NEGR1: variants seen among roughly 807,000 people sequenced by gnomAD.
NEGR1 encodes IgLON family member 4.
NEGR1 carries 10 observed loss-of-function variants against 40.9 expected under a neutral mutation model. The observed-to-expected ratio is 0.24, with a 90% CI of 0.15 to 0.42. The LOEUF (loss-of-function observed/expected upper bound fraction) is 0.42. Ranked by LOEUF, NEGR1 falls within the 10% of genes least tolerant of loss-of-function variation. The pLI is 1.00. For synonymous variants in NEGR1, 185 were observed against 166.8 expected (o/e 1.11, Z -0.84); for missense variants, 352 against 438.9 (o/e 0.80, Z 1.77).
At chr1:71,652,479 A>G (rs1651748811) in intron 4 of NEGR1, among the ~76,000 whole-genome samples, 3 of 152,182 alleles carry the variant, frequency 2.0e-5, no homozygotes, top group African/African-American at 7.2e-5. Context: ...TTTTTTATAG[A>G]CATATATGGC....
chr1:71,777,744 C>G (rs1322953681), intron 2 of NEGR1, among the ~76,000 whole-genome samples: 1 of 151,994 alleles, frequency 6.6e-6, no homozygotes, highest in African/African-American at 2.4e-5. Flanking sequence ...AACCAAAACT[C>G]AGCCTCAAGA....
At chr1:72,050,796 C>G (rs979716231) in intron 1 of NEGR1, among the ~76,000 whole-genome samples, 14 of 151,486 alleles carry the variant, frequency 9.2e-5, no homozygotes, top group African/African-American at 3.1e-4. Flanking sequence ...ATTGAGGCTC[C>G]TATCTTGCTC....
intron 1 of NEGR1, among the ~76,000 whole-genome samples, chr1:71,942,903 G>A (rs546993863): frequency 6.7e-6 from 1 of 149,424 alleles, no homozygotes; most frequent in African/African-American, 2.5e-5. Context: ...CTGGACTCAA[G>A]CAATCCTCCT....
intron 4 of NEGR1, among the ~76,000 whole-genome samples, chr1:71,696,737 T>C (rs1653486354): frequency 6.6e-6 from 1 of 151,864 alleles, no homozygotes; most frequent in Admixed American, 6.6e-5. Context: ...TGGGAACCTC[T>C]TAAAATTCAG....
intron 2 of NEGR1, among the ~76,000 whole-genome samples, chr1:71,902,811 A>G (rs1661175949): frequency 6.6e-6 from 1 of 152,178 alleles, no homozygotes; most frequent in Admixed American, 6.5e-5. Flanking sequence ...TGGAAAATAA[A>G]TACAATATGG....
intron 6 of NEGR1, among the ~76,000 whole-genome samples, chr1:71,565,903 A>C (rs1257432811): frequency 6.6e-6 from 1 of 152,130 alleles, no homozygotes; most frequent in African/African-American, 2.4e-5. Flanking sequence ...ATCTATGTCC[A>C]CATGTAAGTC....
chr1:72,135,387 A>C lies in NEGR1; in HGVS notation c.176+146932T>G, dbSNP rs1466093887. On this transcript the variant is annotated intron_variant, in intron 1 of 6. Coordinates refer to ENST00000357731, the MANE Select transcript of NEGR1 (RefSeq NM_173808.3). ...CGAGACTCCGTCTCAAAAAAAAAAA[A>C]AACAAAAAACAAAAAACAAAAAAAA... Among the ~76,000 whole-genome samples the C allele has an allele frequency of 5.1e-5, 7 of 137,406 alleles. No individual in the cohort carries two copies. In the East Asian group the frequency reaches 9.0e-4, roughly 18 times the overall value. The allele number at this position is 137,406 out of a possible 152,430, so 90.1% of individuals were successfully genotyped here.
intron 1 of NEGR1, among the ~76,000 whole-genome samples, chr1:72,272,782 T>G (rs766754979): frequency 1.3e-5 from 2 of 151,964 alleles, no homozygotes; most frequent in Non-Finnish European, 1.5e-5. Context: ...CCAAATGACT[T>G]AGAAAAATTC....
At chr1:72,257,793 A>G (rs1655323844) in intron 1 of NEGR1, among the ~76,000 whole-genome samples, 1 of 152,158 alleles carries the variant, frequency 6.6e-6, no homozygotes, top group Non-Finnish European at 1.5e-5. Flanking sequence ...CTTCCCTTGG[A>G]ATCAAACCCT....
rs1368460366 is a variant in NEGR1 at position 71,473,802 on chromosome 1, G to T, written c.941-66232C>A. Among the ~76,000 whole-genome samples the T allele has an allele frequency of 3.3e-5, 5 of 151,896 alleles. No homozygotes were observed. In the South Asian group the frequency reaches 1.0e-3, roughly 31 times the overall value. On this transcript the variant is annotated intron_variant, in intron 6 of 6. Coordinates refer to ENST00000357731, the MANE Select transcript of NEGR1 (RefSeq NM_173808.3). ...AATTATAAGAGTATAAAACAAAAGA[G>T]CTCCAAATTCCTAATGGCTTCCTTT...
intron 1 of NEGR1, among the ~76,000 whole-genome samples, chr1:72,088,792 CTCTCTTTT>C (rs147398884): frequency 0.061 from 7,605 of 123,848 alleles, 386 homozygotes; most frequent in East Asian, 0.22. Context: ...AGTTCTCTCT[CTCTCTTTT>C]TTTTTTTTTT....
intron 1 of NEGR1, among the ~76,000 whole-genome samples, chr1:72,026,618 T>A (rs1216726391): frequency 6.6e-6 from 1 of 152,124 alleles, no homozygotes; most frequent in Non-Finnish European, 1.5e-5. Context: ...TGATTTGGCT[T>A]CTTCTGACCC....
chr1:71,956,084 A>G (rs1455515359), intron 1 of NEGR1, among the ~76,000 whole-genome samples: 1 of 152,200 alleles, frequency 6.6e-6, no homozygotes, highest in Non-Finnish European at 1.5e-5. Context: ...CAAGGCTAAC[A>G]TTGTTTAGTT....
chr1:71,702,345 C>T (rs1557619746), intron 3 of NEGR1, among the ~76,000 whole-genome samples: 3 of 151,956 alleles, frequency 2.0e-5, no homozygotes, highest in South Asian at 4.1e-4. Flanking sequence ...ATAACTACTA[C>T]ATTTGGGGTA....
intron 2 of NEGR1, among the ~76,000 whole-genome samples, chr1:71,919,283 A>G (rs147938379): frequency 9.8e-5 from 15 of 152,304 alleles, no homozygotes; most frequent in African/African-American, 2.4e-4. Context: ...AAAAAGATGC[A>G]GAAGGGATCA....
chr1:71,543,369 G>C (rs1008670194), intron 6 of NEGR1, among the ~76,000 whole-genome samples: 1 of 151,592 alleles, frequency 6.6e-6, no homozygotes, highest in African/African-American at 2.4e-5. Context: ...CTATTACGAA[G>C]TGCCAATAAA....
chr1:72,209,560 A>G (rs926518529), intron 1 of NEGR1, among the ~76,000 whole-genome samples: 1 of 151,782 alleles, frequency 6.6e-6, no homozygotes, highest in Non-Finnish European at 1.5e-5. Flanking sequence ...TCCCTTGACC[A>G]CTTCAGCCAT....
chr1:71,698,628 C>T (rs971379076), intron 3 of NEGR1, among the ~76,000 whole-genome samples: 3 of 151,784 alleles, frequency 2.0e-5, no homozygotes, highest in Non-Finnish European at 2.9e-5. Flanking sequence ...ATATATTTAA[C>T]CATTGCTATA....
intron 1 of NEGR1, among the ~76,000 whole-genome samples, chr1:72,248,936 A>G (rs1256967050): frequency 6.6e-6 from 1 of 152,144 alleles, no homozygotes; most frequent in Non-Finnish European, 1.5e-5. Context: ...TTTTAACCAT[A>G]TTATCTGTAA....
Sources: allele counts gnomAD v4.1 joint callset (sites outside exome capture counted in the v4.1 genomes callset), GRCh38; gene constraint gnomAD v4.1.1; transcripts MANE v1.5; gene names NCBI Gene and HGNC (gene_info 2026-07-23, HGNC 2026-07-21).